The following PTPRE variants were observed in gnomAD, a reference collection of about 807,000 sequenced individuals.
The protein encoded by PTPRE is protein tyrosine phosphatase receptor type E.
PTPRE carries 51 observed loss-of-function variants against 102.0 expected under a neutral mutation model. That is an observed-to-expected ratio of 0.50 (90% CI 0.40 to 0.63). The LOEUF (loss-of-function observed/expected upper bound fraction) is 0.63, where lower values mean the gene tolerates loss of function less well. Among genes scored for constraint, PTPRE ranks in the 30% least tolerant of loss-of-function variants. PTPRE has a pLI of 0.00. For missense variants in PTPRE, 752 were observed against 915.1 expected (o/e 0.82, Z 2.30); for synonymous variants, 345 against 348.2 (o/e 0.99, Z 0.10).
At chr10:127,942,765 G>A (rs1305665783) in intron 1 of PTPRE, among the ~76,000 whole-genome samples, 1 of 152,210 alleles carries the variant, frequency 6.6e-6, no homozygotes, top group African/African-American at 2.4e-5. Context: ...TTCAGTTTGG[G>A]AAGAGGAAGA....
chr10:127,926,560 C>T lies in PTPRE; in HGVS notation c.-31+19251C>T, dbSNP rs186664553. Among the ~76,000 whole-genome samples, 37 of 152,156 alleles carry T rather than the reference C, an allele frequency of 2.4e-4. No individual in the cohort carries two copies. In the East Asian group the frequency reaches 5.4e-3, roughly 22 times the overall value. On this transcript the variant is annotated intron_variant, in intron 1 of 20. Transcript: ENST00000254667. ...TCACATTTCCTGGATAACAGCATGC[C>T]GGGAGAGGAGGCTGGGAGGCTGGCT...
intron 18 of PTPRE, 40 bp from the exon 19 acceptor site, chr10:128,077,577 G>A (rs574932281): frequency 2.5e-5 from 40 of 1,571,486 alleles, no homozygotes; most frequent in African/African-American, 5.4e-5. Flanking sequence ...CCTGTTCCCC[G>A]GCAGGCAGGC....
Position 128,072,126 on chromosome 10 carries a change from A to G in PTPRE, c.1388-12A>G, listed in dbSNP as rs1365527096. Reference sequence around the variant, plus strand: ...CTTTTTGTAATAACTAAAGGAAGATAATGCTTTGCAGATGACTTCAACCGA... The same window carrying G: ...CTTTTTGTAATAACTAAAGGAAGATGATGCTTTGCAGATGACTTCAACCGA... On this transcript the variant is annotated splice_polypyrimidine_tract_variant and intron_variant, in intron 15 of 20. Coordinates refer to ENST00000254667, the MANE Select transcript of PTPRE (RefSeq NM_006504.6). The G allele has an allele frequency of 3.7e-6, 6 of 1,612,104 alleles. No individual in the cohort carries two copies. Among genetic ancestry groups the G allele is most frequent in the Non-Finnish European group, 4.2e-6 (5 of 1,178,590 alleles).
intron 1 of PTPRE, among the ~76,000 whole-genome samples, chr10:127,964,351 G>T (rs1407386522): frequency 6.6e-6 from 1 of 151,982 alleles, no homozygotes; most frequent in Admixed American, 6.6e-5. Context: ...TGAATTTTTG[G>T]TAGAGATTGT....
intron 2 of PTPRE, among the ~76,000 whole-genome samples, chr10:128,035,028 G>C (rs10829319): frequency 0.37 from 56,003 of 151,864 alleles, 10,741 homozygotes; most frequent in East Asian, 0.55. Context: ...CTGTTGTCCA[G>C]GCTGGAGTGC....
intron 2 of PTPRE, among the ~76,000 whole-genome samples, chr10:128,010,622 G>T (rs1589996983): frequency 7.8e-6 from 1 of 127,862 alleles, no homozygotes; most frequent in Admixed American, 7.8e-5. Context: ...TCGCTCTGTC[G>T]CCCAGGCTGG....
At chr10:128,004,164 A>T (rs1854273849) in intron 2 of PTPRE, among the ~76,000 whole-genome samples, 1 of 150,274 alleles carries the variant, frequency 6.7e-6, no homozygotes, top group Admixed American at 6.7e-5. Context: ...CGATGATACT[A>T]CCCTTATGAT....
intron 1 of PTPRE, among the ~76,000 whole-genome samples, chr10:127,971,678 G>A (rs538311495): frequency 6.6e-5 from 10 of 152,344 alleles, no homozygotes; most frequent in East Asian, 3.9e-4. Flanking sequence ...AGCCTCCAGC[G>A]TGCGCGATTT....
At chr10:128,079,360 G>A (rs1413798927) in intron 19 of PTPRE, among the ~76,000 whole-genome samples, 200 bp from the exon 20 acceptor site, 11 of 152,138 alleles carry the variant, frequency 7.2e-5, no homozygotes, top group Admixed American at 7.2e-4. Flanking sequence ...TTAGGGAGGT[G>A]TTTTAGGAAT....
intron 6 of PTPRE, among the ~76,000 whole-genome samples, chr10:128,054,770 T>C (rs1848816048): frequency 6.6e-6 from 1 of 152,040 alleles, no homozygotes; most frequent in Admixed American, 6.5e-5. Context: ...TCGGGACACC[T>C]GTGGGTGGCA....
chr10:128,039,797 G>T (rs527461844), intron 2 of PTPRE, among the ~76,000 whole-genome samples: 35 of 151,930 alleles, frequency 2.3e-4, no homozygotes, highest in Non-Finnish European at 4.0e-4. Context: ...GAGTGGGGGG[G>T]CCACACCTCC....
chr10:128,003,629 C>T lies in PTPRE; in HGVS notation c.-8+21333C>T, dbSNP rs555156169. On this transcript the variant is annotated intron_variant, in intron 2 of 20. Transcript: ENST00000254667. ...CACCATGCATTTGTGGCAGTTCACG[C>T]GCGGACATCAGGCTCTGGAATTCTG... Among the ~76,000 whole-genome samples, 20 of 152,244 alleles carry T rather than the reference C, an allele frequency of 1.3e-4. No homozygotes were observed. In the South Asian group the frequency reaches 2.1e-3, roughly 16 times the overall value.
intron 2 of PTPRE, chr10:127,999,939 G>A (rs1853697348): frequency 1.0e-6 from 1 of 985,412 alleles, no homozygotes; most frequent in Non-Finnish European, 1.2e-6. Context: ...ATCACCTAGG[G>A]GCTACTGAGA....
At chr10:127,976,563 C>T (rs1402224788) in intron 1 of PTPRE, among the ~76,000 whole-genome samples, 7 of 152,102 alleles carry the variant, frequency 4.6e-5, no homozygotes, top group African/African-American at 1.7e-4. Context: ...AAGTCCTGCT[C>T]GTCTGTCATA....
intron 2 of PTPRE, among the ~76,000 whole-genome samples, chr10:128,030,197 A>G (rs924735995): frequency 6.6e-6 from 1 of 152,230 alleles, no homozygotes; most frequent in Non-Finnish European, 1.5e-5. Context: ...CTGAGTTTGC[A>G]GTTTCCCGCA....
chr10:127,958,815 C>T (rs1849582323), intron 1 of PTPRE, among the ~76,000 whole-genome samples: 2 of 151,744 alleles, frequency 1.3e-5, no homozygotes, highest in South Asian at 4.2e-4. Context: ...CTCATCTGTG[C>T]CTGGTCCTTT....
At chr10:128,024,459 T>C (rs954365273) in intron 2 of PTPRE, among the ~76,000 whole-genome samples, 5 of 152,244 alleles carry the variant, frequency 3.3e-5, no homozygotes, top group South Asian at 2.1e-4. Context: ...GTCATCTTTA[T>C]TGGAATCCAG....
rs373859018 is a variant in PTPRE, at chr10:128,047,704, C to G, written c.210-60C>G. 8 of 1,613,966 alleles carry G rather than the reference C, an allele frequency of 5.0e-6. No individual in the cohort carries two copies. The African/African-American group carries it at 8.0e-5, about 16-fold the overall frequency. On this transcript the variant is annotated intron_variant, in intron 4 of 20. Coordinates refer to ENST00000254667, the MANE Select transcript of PTPRE (RefSeq NM_006504.6). ...ACCTGGTGGGTATCACTGTGCCGAG[C>G]GCTGTTGGCTCTCGGGGAACCTAGA...
In PTPRE at chr10:128,029,672, G is replaced by A. The variant is rs554191764; in HGVS notation, c.-7-11203G>A. Among the ~76,000 whole-genome samples, 26 of 152,324 alleles carry A rather than the reference G, an allele frequency of 1.7e-4. No homozygotes were observed. The South Asian group carries it at 2.9e-3, about 17-fold the overall frequency. ...GAATAGAGAAAATCTGCTGAAAAAC[G>A]TCTATTTTCCAGCTGAATAAACAAG... On this transcript the variant is annotated intron_variant, in intron 2 of 20. Coordinates refer to ENST00000254667, the MANE Select transcript of PTPRE (RefSeq NM_006504.6).
Sources: allele counts gnomAD v4.1 joint callset (sites outside exome capture counted in the v4.1 genomes callset), GRCh38; gene constraint gnomAD v4.1.1; transcripts MANE v1.5; gene names NCBI Gene and HGNC (gene_info 2026-07-23, HGNC 2026-07-21).